Variants in PEF1 observed in about 807,000 individuals in gnomAD.
PEF1 encodes penta-EF-hand domain containing 1, also known as peflin.
In PEF1, 17 loss-of-function variants were observed where a neutral mutation model predicts 32.0. The observed-to-expected ratio is 0.53, with a 90% CI of 0.36 to 0.80. The LOEUF (loss-of-function observed/expected upper bound fraction) is 0.80, where lower values mean the gene tolerates loss of function less well. PEF1 is among the 30% of genes least tolerant of loss of function. The probability of loss-of-function intolerance (pLI) is 0.00; values close to 1 mark genes in which losing one functional copy is unlikely to be tolerated. For synonymous variants in PEF1, 130 were observed against 139.8 expected, an observed-to-expected ratio of 0.93 and a Z score of 0.50; for missense variants, 362 against 369.1, an observed-to-expected ratio of 0.98 and a Z score of 0.16.
At chr1:31,635,059 T>G in intron 2 of PEF1, 163 bp downstream of exon 2, 1 of 928,314 alleles carries the variant, frequency 1.1e-6, no homozygotes, top group Non-Finnish European at 1.7e-6. Flanking sequence ...GCAACAAAAC[T>G]AGCTGACAAA....
rs1199151771 is a variant in PEF1 at position 31,633,144 on chromosome 1, A to G, written c.481+15T>C. On this transcript the variant is annotated intron_variant, in intron 3 of 4. Transcript: ENST00000373703. ...TCTGCCCCAGCTCAGGCCCAAGGGC[A>G]AGGCGGAGACTCACTTATCATCATG... The G allele has an allele frequency of 6.2e-7, 1 of 1,608,954 alleles. No homozygotes were observed. Among genetic ancestry groups the G allele is most frequent in the East Asian group, 2.2e-5 (1 of 44,814 alleles).
At chr1:31,640,409 A>G (rs1273356652) in intron 1 of PEF1, among the ~76,000 whole-genome samples, 3 of 152,132 alleles carry the variant, frequency 2.0e-5, no homozygotes, top group African/African-American at 7.2e-5. Flanking sequence ...CACTCAATAA[A>G]TGAGTGAGTG....
At chr1:31,630,929 A>C in intron 4 of PEF1, 87 bp from the exon 5 acceptor site, 10 of 1,147,724 alleles carry the variant, frequency 8.7e-6, no homozygotes, top group Non-Finnish European at 1.3e-5. Flanking sequence ...ACAACAGTTC[A>C]AGGAACTTCG....
Position 31,633,264 on chromosome 1 carries a change from C to T in PEF1, c.376G>A (p.Val126Met), listed in dbSNP as rs1296477248. ...ATATAGCCACTGTGATCTGAGTCCA[C>T]CGACTGGAACCAGGAGTAGGCCTCA... is the stretch of plus-strand genomic sequence containing the variant. ...DPEAYSWFQS[V>M]DSDHSGYISM... The change falls in exon 3 of 5, where the codon GTG (valine) becomes ATG (methionine). Residue 126 changes from valine to methionine, a missense_variant. Physicochemically the swap from Val to Met is conservative, Grantham distance 21. Coordinates refer to ENST00000373703, the MANE Select transcript of PEF1 (RefSeq NM_012392.4). The T allele has an allele frequency of 5.0e-6, 8 of 1,613,922 alleles. No homozygotes were observed. In the Admixed American group the frequency reaches 5.0e-5, roughly 10 times the overall value.
intron 3 of PEF1, 26 bp downstream of exon 3, chr1:31,633,133 G>T (rs1640159249): frequency 6.2e-7 from 1 of 1,602,856 alleles, no homozygotes; most frequent in Admixed American, 1.7e-5. Context: ...CCCCAGCTCA[G>T]GCCCAAGGGC....
chr1:31,632,293 G>T, intron 4 of PEF1: 1 of 874,800 alleles, frequency 1.1e-6, no homozygotes. Context: ...TCTGGACCCA[G>T]GTGTTTCCTT....
At chr1:31,642,136 G>C (rs56747952) in intron 1 of PEF1, among the ~76,000 whole-genome samples, 6,253 of 152,304 alleles carry the variant, frequency 0.041, 445 homozygotes, top group African/African-American at 0.14. Flanking sequence ...GGGAGGCTGA[G>C]GCAGGAGAAC....
intron 1 of PEF1, among the ~76,000 whole-genome samples, chr1:31,638,381 C>A (rs1468297024): frequency 6.6e-6 from 1 of 152,190 alleles, no homozygotes; most frequent in African/African-American, 2.4e-5. Context: ...TACAACACTC[C>A]TTCATTAAGC....
chr1:31,632,161 G>C (rs1274385863), intron 4 of PEF1, among the ~76,000 whole-genome samples: 2 of 152,208 alleles, frequency 1.3e-5, no homozygotes, highest in Non-Finnish European at 2.9e-5. Flanking sequence ...AGAAACTGGA[G>C]AGAAAGGAGT....
At chr1:31,636,002 A>T (rs751153613) in intron 1 of PEF1, among the ~76,000 whole-genome samples, 1 of 152,218 alleles carries the variant, frequency 6.6e-6, no homozygotes, top group Admixed American at 6.5e-5. Context: ...GTCACAAATG[A>T]CATAGCTATA....
chr1:31,633,131 C>T (rs188172132), intron 3 of PEF1, 28 bp downstream of exon 3: 1,657 of 1,600,512 alleles, frequency 1.0e-3, no homozygotes, highest in Admixed American at 1.6e-3. Flanking sequence ...TGCCCCAGCT[C>T]AGGCCCAAGG....
chr1:31,640,710 C>CA (rs1640372132), intron 1 of PEF1, among the ~76,000 whole-genome samples: 1 of 152,164 alleles, frequency 6.6e-6, no homozygotes, highest in South Asian at 2.1e-4. Context: ...TGCACTTGCG[C>CA]AAGCAGTAGG....
Position 31,633,252 on chromosome 1 carries a change from G to C in PEF1, c.388C>G (p.His130Asp). 1 of 1,614,076 alleles carries C rather than the reference G, an allele frequency of 6.2e-7. No individual in the cohort carries two copies. The highest frequency in any genetic ancestry group is 8.5e-7 in the Non-Finnish European group (1 of 1,180,000). The change falls in exon 3 of 5, where the codon CAC becomes GAC. Residue 130 changes from histidine (H) to aspartate (D), a missense_variant. Physicochemically the swap from His to Asp is moderately conservative, Grantham distance 81. Transcript: ENST00000373703. ...TCCTTCATGGAGATATAGCCACTGT[G>C]ATCTGAGTCCACCGACTGGAACCAG... Reference protein sequence around the residue: ...YSWFQSVDSDHSGYISMKELK... With the variant: ...YSWFQSVDSDDSGYISMKELK...
rs553652336 is a variant in PEF1, at chr1:31,635,174, A to G, written c.325+48T>C. On this transcript the variant is annotated intron_variant, in intron 2 of 4. Transcript: ENST00000373703. ...GGAAGGACAAAGGCTGGCCATGGATAACTCAGAACCACGTCAGAGGTACCC... is the reference window on the plus strand; with the variant it reads ...GGAAGGACAAAGGCTGGCCATGGATGACTCAGAACCACGTCAGAGGTACCC... 4 of 1,593,918 alleles carry G rather than the reference A, an allele frequency of 2.5e-6. No homozygotes were observed. In the African/African-American group the frequency reaches 5.4e-5, roughly 21 times the overall value.
chr1:31,633,374 C>T (rs1160768647), intron 2 of PEF1, 60 bp from the exon 3 acceptor site: 18 of 1,516,274 alleles, frequency 1.2e-5, no homozygotes, highest in Non-Finnish European at 2.7e-6. Context: ...GCCTCAGTAA[C>T]TTCCTGGCTA....
intron 1 of PEF1, 118 bp from the exon 2 acceptor site, chr1:31,635,640 G>T: frequency 1.9e-6 from 2 of 1,078,984 alleles, no homozygotes; most frequent in Non-Finnish European, 1.2e-6. Context: ...TATAGGTAGG[G>T]TTGGAATTAT....
chr1:31,632,007 C>A (rs1245930380), intron 4 of PEF1, among the ~76,000 whole-genome samples: 1 of 152,216 alleles, frequency 6.6e-6, no homozygotes, highest in Non-Finnish European at 1.5e-5. Flanking sequence ...AGACCTGGGG[C>A]TGTGGCCTCA....
Position 31,644,287 on chromosome 1 carries a change from G to A in PEF1, c.24+554C>T, listed in dbSNP as rs190032561. ...CTCGGCCCTGCTGCCTAACTGCCTGGTGACTTCAGGTAAGTTCTGTGTCTT... is the reference window on the plus strand; with the variant it reads ...CTCGGCCCTGCTGCCTAACTGCCTGATGACTTCAGGTAAGTTCTGTGTCTT... On this transcript the variant is annotated intron_variant, in intron 1 of 4. Transcript: ENST00000373703. 89 of 834,362 alleles carry A rather than the reference G, an allele frequency of 1.1e-4. No individual in the cohort carries two copies. The East Asian group carries it at 1.0e-2, about 94-fold the overall frequency. 51.7% of individuals were successfully genotyped at this position (834,362 alleles called of 1,614,324 possible). A position where few individuals can be genotyped will look rare whatever the true frequency, so the allele number is the denominator to read the frequency against.
At chr1:31,634,793 GCT>G (rs1640210649) in intron 2 of PEF1, 1 of 454,112 alleles carries the variant, frequency 2.2e-6, no homozygotes, top group Admixed American at 2.4e-5. Context: ...ATCAGGGGGT[GCT>G]CTGGCCAAAA....
Sources: gnomAD v4.1 joint callset for allele counts (sites outside exome capture counted in the v4.1 genomes callset) on GRCh38, gnomAD v4.1.1 for gene constraint, MANE v1.5 for transcripts, NCBI Gene and HGNC (gene_info 2026-07-23, HGNC 2026-07-21) for gene names.